The following ATRNL1 variants were observed in gnomAD, a reference collection of about 807,000 sequenced individuals.
ATRNL1 encodes attractin-like protein 1.
A neutral mutation model predicts 182.7 loss-of-function variants in ATRNL1; 95 were observed. That is an observed-to-expected ratio of 0.52 (90% CI 0.44 to 0.62). ATRNL1 has a LOEUF of 0.62. Among genes scored for constraint, ATRNL1 ranks in the 20% least tolerant of loss-of-function variants. The pLI is 0.00. For missense variants in ATRNL1, 1,471 were observed against 1,679.5 expected, an observed-to-expected ratio of 0.88 and a Z score of 2.17; for synonymous variants, 576 against 568.3, an observed-to-expected ratio of 1.01 and a Z score of -0.19.
At chr10:115,110,278 T>C (rs907298800) in intron 1 of ATRNL1, among the ~76,000 whole-genome samples, 2 of 152,176 alleles carry the variant, frequency 1.3e-5, no homozygotes, top group Admixed American at 6.5e-5. Context: ...ATGAGCCCTT[T>C]AAAAGCAGAG....
At chr10:115,529,831 A>G (rs977524949) in intron 25 of ATRNL1, among the ~76,000 whole-genome samples, 1 of 152,070 alleles carries the variant, frequency 6.6e-6, no homozygotes, top group Non-Finnish European at 1.5e-5. Context: ...ATTGCAATCA[A>G]TTTTAGAACA....
intron 26 of ATRNL1, among the ~76,000 whole-genome samples, chr10:115,665,732 C>CTG (rs1242511800): frequency 9.9e-5 from 15 of 152,216 alleles, no homozygotes; most frequent in Admixed American, 9.2e-4. Flanking sequence ...CACTGTTGCT[C>CTG]ATCCAGGGCA....
rs561679103 is a variant in ATRNL1 at position 115,617,400 on chromosome 10, G to A, written c.3795+67864G>A. 9.3e-5 allele frequency among the ~76,000 whole-genome samples: 14 copies of A among 151,340 alleles called. No individual in the cohort carries two copies. In the South Asian group the frequency reaches 1.7e-3, roughly 18 times the overall value. On this transcript the variant is annotated intron_variant, in intron 26 of 28. Coordinates refer to ENST00000355044, the MANE Select transcript of ATRNL1 (RefSeq NM_207303.4). ...TTTTTAAACGGAGTCTTGCTCTGTC[G>A]CCAGGCTGGAGTGCAGTGGTGCAAT...
chr10:115,275,811 C>T (rs1357762173), intron 13 of ATRNL1, among the ~76,000 whole-genome samples: 3 of 152,166 alleles, frequency 2.0e-5, no homozygotes, highest in Non-Finnish European at 4.4e-5. Context: ...TCCACTCTAA[C>T]ATTCCAATCT....
chr10:115,928,454 T>C (rs1009355473), intron 28 of ATRNL1, among the ~76,000 whole-genome samples: 1 of 152,064 alleles, frequency 6.6e-6, no homozygotes, highest in Non-Finnish European at 1.5e-5. Flanking sequence ...TTACATAAAA[T>C]TCATGTAATT....
chr10:115,908,232 C>T (rs1219999671), intron 28 of ATRNL1, among the ~76,000 whole-genome samples: 4 of 152,290 alleles, frequency 2.6e-5, no homozygotes, highest in Non-Finnish European at 2.9e-5. Flanking sequence ...CAAATTACCA[C>T]GACCTAGGCA....
intron 5 of ATRNL1, among the ~76,000 whole-genome samples, chr10:115,142,549 C>A (rs2143826656): frequency 6.6e-6 from 1 of 152,178 alleles, no homozygotes; most frequent in Non-Finnish European, 1.5e-5. Context: ...CTTTGTAGAC[C>A]ATAGTGAGGA....
chr10:115,528,955 T>C (rs1394922243), intron 25 of ATRNL1, among the ~76,000 whole-genome samples: 2 of 152,138 alleles, frequency 1.3e-5, no homozygotes, highest in Non-Finnish European at 1.5e-5. Context: ...TTTCTAACTT[T>C]ATCCCACTGT....
intron 26 of ATRNL1, among the ~76,000 whole-genome samples, chr10:115,581,618 G>A (rs1855089115): frequency 6.6e-6 from 1 of 151,968 alleles, no homozygotes; most frequent in African/African-American, 2.4e-5. Flanking sequence ...TCAAACTATT[G>A]TAAAAAGATA....
At position 115,121,728 on chromosome 10, in the gene ATRNL1, A is replaced by G. The variant is rs782380783; in HGVS notation, c.407A>G (p.Asn136Ser). The change falls in exon 3 of 29, where the codon AAT becomes AGT. Residue 136 changes from asparagine to serine, a missense_variant. Asn to Ser is a conservative substitution (Grantham distance 46, BLOSUM62 1). This residue lies in a region of ATRNL1 where 1,031 missense variants were observed against 1,156.0 expected (regional missense o/e 0.89). Coordinates refer to ENST00000355044, the MANE Select transcript of ATRNL1 (RefSeq NM_207303.4). ...AATGCAGTGTTAAGATTAAGATTCA[A>G]TCATTTTGCTACAGAATGTAGCTGG... ...YPNAVLRLRF[N>S]HFATECSWDH... The G allele has an allele frequency of 3.2e-6, 5 of 1,556,982 alleles. No individual in the cohort carries two copies. The highest frequency in any genetic ancestry group is 1.7e-4 in the Middle Eastern group (1 of 5,836).
At chr10:115,185,010 T>G (rs970272733) in intron 8 of ATRNL1, among the ~76,000 whole-genome samples, 32 of 151,992 alleles carry the variant, frequency 2.1e-4, no homozygotes, top group Non-Finnish European at 4.7e-4. Context: ...TATATTTTTT[T>G]GGGAACCAAA....
chr10:115,559,400 C>G (rs1439357661), intron 26 of ATRNL1, among the ~76,000 whole-genome samples: 3 of 148,630 alleles, frequency 2.0e-5, no homozygotes, highest in Non-Finnish European at 4.4e-5. Flanking sequence ...CTGACATACT[C>G]TCATTCTTGG....
intron 15 of ATRNL1, among the ~76,000 whole-genome samples, chr10:115,289,467 C>T (rs1010416543): frequency 6.6e-6 from 1 of 151,988 alleles, no homozygotes; most frequent in South Asian, 2.1e-4. Context: ...TAAACCCATT[C>T]CTGAAGTTTT....
At chr10:115,367,812 G>T (rs1165136641) in intron 19 of ATRNL1, among the ~76,000 whole-genome samples, 7 of 144,518 alleles carry the variant, frequency 4.8e-5, no homozygotes, top group African/African-American at 1.8e-4. Context: ...GCTGGGGGGT[G>T]CCTCCCAGTT....
At chr10:115,355,533 C>T (rs1856464799) in intron 19 of ATRNL1, among the ~76,000 whole-genome samples, 1 of 151,936 alleles carries the variant, frequency 6.6e-6, no homozygotes, top group Admixed American at 6.6e-5. Context: ...AGTTGGGGAA[C>T]GGGTGGCATG....
chr10:115,618,183 A>G (rs531256565), intron 26 of ATRNL1, among the ~76,000 whole-genome samples: 40 of 152,252 alleles, frequency 2.6e-4, no homozygotes, highest in South Asian at 8.3e-4. Flanking sequence ...AGTCTCAGGT[A>G]TTTCTTTAGA....
intron 10 of ATRNL1, among the ~76,000 whole-genome samples, chr10:115,250,636 T>A (rs1042874851): frequency 1.3e-5 from 2 of 152,122 alleles, no homozygotes; most frequent in African/African-American, 4.8e-5. Context: ...GCCTACCAGA[T>A]GGTTTGCTTT....
At chr10:115,714,649 A>G (rs1947192454) in intron 26 of ATRNL1, among the ~76,000 whole-genome samples, 1 of 152,156 alleles carries the variant, frequency 6.6e-6, no homozygotes, top group African/African-American at 2.4e-5. Flanking sequence ...AGAGACCCCA[A>G]CAGTTCAATA....
intron 20 of ATRNL1, among the ~76,000 whole-genome samples, chr10:115,417,045 G>T (rs1461354301): frequency 6.6e-6 from 1 of 152,220 alleles, no homozygotes; most frequent in Non-Finnish European, 1.5e-5. Flanking sequence ...GCCCACTGGA[G>T]CCCAAGGCCC....
Sources: allele counts gnomAD v4.1 joint callset (sites outside exome capture counted in the v4.1 genomes callset), GRCh38; gene constraint gnomAD v4.1.1; regional missense constraint gnomAD v4.1.1; transcripts MANE v1.5; gene names NCBI Gene and HGNC (gene_info 2026-07-23, HGNC 2026-07-21).